WNT2B: variants seen among roughly 807,000 people sequenced by gnomAD.
The protein encoded by WNT2B is Wnt family member 2B, also known as protein Wnt-2b.
In WNT2B, 19 loss-of-function variants were observed where a neutral mutation model predicts 40.5. The ratio of observed to expected loss-of-function variants is 0.47; its 90% CI spans 0.33 to 0.69. The LOEUF (loss-of-function observed/expected upper bound fraction) is 0.69, where lower values mean the gene tolerates loss of function less well. WNT2B is among the 30% of genes least tolerant of loss of function. The probability of loss-of-function intolerance (pLI) is 0.02; values close to 1 mark genes in which losing one functional copy is unlikely to be tolerated. For synonymous variants in WNT2B, 220 were observed against 211.9 expected (o/e 1.04, Z -0.33); for missense variants, 467 against 556.4 (o/e 0.84, Z 1.62).
At chr1:112,468,386 A>G (rs914137309) in intron 1 of WNT2B, among the ~76,000 whole-genome samples, 1 of 152,168 alleles carries the variant, frequency 6.6e-6, no homozygotes, top group Non-Finnish European at 1.5e-5. Flanking sequence ...ATTGTTTTCC[A>G]TAGTGGTTGT....
Position 112,489,782 on chromosome 1 carries a change from AT to A in WNT2B, c.-95+22201del, listed in dbSNP as rs35427726. Among the ~76,000 whole-genome samples, 16 of 150,082 alleles carry A rather than the reference AT, an allele frequency of 1.1e-4. No individual in the cohort carries two copies. The East Asian group carries it at 1.6e-3, about 15-fold the overall frequency. The stretch of plus-strand genomic sequence containing the variant: ...TTAAGAAACATCACAAATTCTGCCT[AT>A]TTTTTTTTTACTATTCCTTTTGCAA... On this transcript the variant is annotated intron_variant, in intron 1 of 4. Coordinates refer to the WNT2B transcript ENST00000256640.
intron 1 of WNT2B, among the ~76,000 whole-genome samples, chr1:112,512,259 G>A (rs1652380773): frequency 6.6e-6 from 1 of 152,228 alleles, no homozygotes; most frequent in Admixed American, 6.5e-5. Flanking sequence ...TCAACAAATA[G>A]TGATTGCATA....
At chr1:112,511,036 G>A (rs1379508833) in intron 1 of WNT2B, among the ~76,000 whole-genome samples, 1 of 152,120 alleles carries the variant, frequency 6.6e-6, no homozygotes, top group Non-Finnish European at 1.5e-5. Context: ...TAGTCTTGGG[G>A]ACCAATTGGT....
At chr1:112,469,456 G>C (rs1650805989) in intron 1 of WNT2B, among the ~76,000 whole-genome samples, 1 of 152,080 alleles carries the variant, frequency 6.6e-6, no homozygotes, top group Non-Finnish European at 1.5e-5. Context: ...AATTATACTA[G>C]TCCATGAGCA....
chr1:112,505,192 C>G (rs895774155), upstream of WNT2B, among the ~76,000 whole-genome samples: 5 of 152,208 alleles, frequency 3.3e-5, no homozygotes, highest in African/African-American at 4.8e-5. Flanking sequence ...AGCTGTCCTG[C>G]TGGAGGCCCC....
At position 112,526,228 on chromosome 1, in the gene WNT2B, C is replaced by T. The variant is rs1570820428; in HGVS notation, c.*5719C>T. The stretch of plus-strand genomic sequence containing the variant: ...CAGCCTAGGCCCTCCTGAACCTTAT[C>T]AACCAATGGCTCTTTTGCCATTTCT... On this transcript the variant is annotated 3_prime_UTR_variant, in exon 5 of 5. Coordinates refer to ENST00000369684, the MANE Select transcript of WNT2B (RefSeq NM_024494.3). 1.4e-6 allele frequency: 2 copies of T among 1,394,728 alleles called. No individual in the cohort carries two copies. The highest frequency in any genetic ancestry group is 2.3e-5 in the East Asian group (1 of 43,428). 86.4% of individuals were successfully genotyped at this position (1,394,728 alleles called of 1,614,324 possible).
At chr1:112,478,503 A>G (rs991232371) in intron 1 of WNT2B, among the ~76,000 whole-genome samples, 4 of 152,150 alleles carry the variant, frequency 2.6e-5, no homozygotes, top group Non-Finnish European at 4.4e-5. Flanking sequence ...ACTCGATGGG[A>G]CTATTGGAAG....
intron 1 of WNT2B, among the ~76,000 whole-genome samples, chr1:112,471,943 T>C (rs989829232): frequency 6.6e-6 from 1 of 152,214 alleles, no homozygotes; most frequent in African/African-American, 2.4e-5. Context: ...GCAGCATACA[T>C]ATGAAGATGT....
intron 1 of WNT2B, among the ~76,000 whole-genome samples, chr1:112,471,862 A>T (rs74112721): frequency 0.069 from 10,459 of 152,266 alleles, 1,212 homozygotes; most frequent in African/African-American, 0.24. Context: ...TTCTTATTAA[A>T]TCCTAGCCAA....
chr1:112,520,072 ATGT>A (rs71584742), intron 4 of WNT2B, among the ~76,000 whole-genome samples: 27,052 of 151,686 alleles, frequency 0.18, 3,013 homozygotes, highest in East Asian at 0.46. Flanking sequence ...AGGGCTTGCT[ATGT>A]TTCCCAGGCT....
At chr1:112,472,416 G>A (rs115815652) in intron 1 of WNT2B, among the ~76,000 whole-genome samples, 3 of 152,316 alleles carry the variant, frequency 2.0e-5, no homozygotes, top group East Asian at 1.9e-4. Context: ...GGGACTGGGA[G>A]TAGTTTCTGT....
upstream of WNT2B, among the ~76,000 whole-genome samples, chr1:112,506,278 C>T (rs75124410): frequency 4.1e-4 from 63 of 152,320 alleles, no homozygotes; most frequent in African/African-American, 1.4e-3. Flanking sequence ...GGATTACAGG[C>T]GTAAGCCACC....
intron 1 of WNT2B, among the ~76,000 whole-genome samples, chr1:112,494,131 G>C (rs1651695461): frequency 6.7e-6 from 1 of 149,810 alleles, no homozygotes. Flanking sequence ...CCAATATGGT[G>C]AAACCCCATC....
chr1:112,500,171 T>A (rs554486979), intron 1 of WNT2B, among the ~76,000 whole-genome samples: 1 of 152,318 alleles, frequency 6.6e-6, no homozygotes, highest in African/African-American at 2.4e-5. Flanking sequence ...AATACTAAGC[T>A]GTTATTTGTT....
intron 1 of WNT2B, among the ~76,000 whole-genome samples, chr1:112,498,266 T>C (rs1384147251): frequency 1.3e-5 from 2 of 152,042 alleles, no homozygotes; most frequent in African/African-American, 2.4e-5. Flanking sequence ...TAGTTTGTTT[T>C]GTTTTGAGGC....
At chr1:112,507,177 T>C (rs1652133751), upstream of WNT2B, among the ~76,000 whole-genome samples, 1 of 152,122 alleles carries the variant, frequency 6.6e-6, no homozygotes, top group Non-Finnish European at 1.5e-5. Context: ...ACCCTGATCA[T>C]CCTAGTTGCA....
At chr1:112,492,136 T>C (rs938614903) in intron 1 of WNT2B, among the ~76,000 whole-genome samples, 1 of 152,154 alleles carries the variant, frequency 6.6e-6, no homozygotes, top group African/African-American at 2.4e-5. Context: ...AAAGAAACTA[T>C]TATAAATCAA....
rs1314565527 is a variant in WNT2B, at chr1:112,516,168, C to T, written c.432C>T (p.Ala144=). ...RSSREAAFVY[A]ISSAGVVHAI... ...GCCGAGAGGCAGCTTTTGTATATGC[C>T]ATCTCATCAGCAGGGGTAGTCCACG... The change falls in exon 3 of 5, where the codon GCC becomes GCT. Residue 144 remains alanine, a synonymous_variant. Coordinates refer to ENST00000369684, the MANE Select transcript of WNT2B (RefSeq NM_024494.3). The T allele has an allele frequency of 6.2e-7, 1 of 1,613,566 alleles. No individual in the cohort carries two copies. The highest frequency in any genetic ancestry group is 1.1e-5 in the South Asian group (1 of 91,046).
intron 1 of WNT2B, among the ~76,000 whole-genome samples, chr1:112,476,349 A>C (rs1651053442): frequency 6.6e-6 from 1 of 152,222 alleles, no homozygotes. Context: ...GAAAGATATA[A>C]AATCAGTTAA....
Sources: allele counts gnomAD v4.1 joint callset (sites outside exome capture counted in the v4.1 genomes callset), GRCh38; gene constraint gnomAD v4.1.1; transcripts MANE v1.5; gene names NCBI Gene and HGNC (gene_info 2026-07-23, HGNC 2026-07-21).